The following RIT2 variants were observed in gnomAD, a reference collection of about 807,000 sequenced individuals.
The protein encoded by RIT2 is GTP-binding protein Rit2.
In RIT2, 24 loss-of-function variants were observed where a neutral mutation model predicts 23.7. The observed-to-expected ratio is 1.01, with a 90% CI of 0.73 to 1.43. RIT2 has a LOEUF of 1.43. Ranked by LOEUF, RIT2 falls within the 40% of genes most tolerant of loss-of-function variation. RIT2 has a pLI of 0.00. For synonymous variants in RIT2, 107 were observed against 91.1 expected, an observed-to-expected ratio of 1.17 and a Z score of -0.99; for missense variants, 236 against 266.9, an observed-to-expected ratio of 0.88 and a Z score of 0.81.
In RIT2 at chr18:42,966,908, G is replaced by A. The variant is rs1049560485; in HGVS notation, c.234+7166C>T. Among the ~76,000 whole-genome samples, 6 of 151,960 alleles carry A rather than the reference G, an allele frequency of 3.9e-5. No individual in the cohort carries two copies. In the East Asian group the frequency reaches 1.2e-3, roughly 30 times the overall value. On this transcript the variant is annotated intron_variant, in intron 3 of 4. Transcript: ENST00000326695. ...TGTGCCTCTGCTTCATGATACAACT[G>A]TACCGTAGTTATGGCAAGCAGTATG...
At chr18:43,061,182 T>C (rs1298274447) in intron 1 of RIT2, among the ~76,000 whole-genome samples, 1 of 152,158 alleles carries the variant, frequency 6.6e-6, no homozygotes, top group African/African-American at 2.4e-5. Flanking sequence ...TCAACCATTT[T>C]ATGATGGTTT....
At chr18:42,939,755 G>T (rs1414362057) in intron 3 of RIT2, among the ~76,000 whole-genome samples, 1 of 151,948 alleles carries the variant, frequency 6.6e-6, no homozygotes, top group East Asian at 1.9e-4. Flanking sequence ...ACAAACAGAG[G>T]TCTCCCTTCC....
At chr18:43,031,111 C>G (rs1911844010) in intron 2 of RIT2, among the ~76,000 whole-genome samples, 1 of 151,338 alleles carries the variant, frequency 6.6e-6, no homozygotes, top group African/African-American at 2.4e-5. Flanking sequence ...CCAAAATGCC[C>G]CAGCTTTGTC....
chr18:42,902,847 C>G (rs2144108570), intron 4 of RIT2, among the ~76,000 whole-genome samples: 1 of 151,534 alleles, frequency 6.6e-6, no homozygotes, highest in African/African-American at 2.4e-5. Context: ...AAAAATGTAT[C>G]AGTAATTATA....
At chr18:43,047,639 G>A (rs1912279618) in intron 1 of RIT2, among the ~76,000 whole-genome samples, 1 of 152,004 alleles carries the variant, frequency 6.6e-6, no homozygotes, top group African/African-American at 2.4e-5. Flanking sequence ...ACTAACATAT[G>A]AGGAGTCTAC....
At chr18:42,859,979 T>TA (rs35559948) in intron 4 of RIT2, among the ~76,000 whole-genome samples, 8,146 of 148,930 alleles carry the variant, frequency 0.055, 602 homozygotes, top group East Asian at 0.32. Flanking sequence ...TTCCTTGATT[T>TA]AAAAAAAAAA....
rs182281368 is a variant in RIT2, at chr18:43,005,793, G to A, written c.160+28018C>T. ...TTGCATGGGATCAGCATATGTGTAA[G>A]AGAAAACAGAAACAGAGGTAGACAA... is the stretch of plus-strand genomic sequence containing the variant. On this transcript the variant is annotated intron_variant, in intron 2 of 4. Transcript: ENST00000326695. 2.6e-5 allele frequency among the ~76,000 whole-genome samples: 4 copies of A among 151,876 alleles called. No homozygotes were observed. The East Asian group carries it at 7.8e-4, about 30-fold the overall frequency.
At chr18:42,903,461 A>G (rs1464207477) in intron 4 of RIT2, among the ~76,000 whole-genome samples, 1 of 152,150 alleles carries the variant, frequency 6.6e-6, no homozygotes, top group Non-Finnish European at 1.5e-5. Flanking sequence ...CAGAAATAAA[A>G]TATATATGTA....
At chr18:43,085,531 C>T (rs996482040) in intron 1 of RIT2, among the ~76,000 whole-genome samples, 2 of 152,132 alleles carry the variant, frequency 1.3e-5, no homozygotes, top group African/African-American at 4.8e-5. Context: ...CTCTGGTAAT[C>T]ACCTTTCTAC....
chr18:43,093,280 C>G (rs534509888), intron 1 of RIT2, among the ~76,000 whole-genome samples: 1 of 151,982 alleles, frequency 6.6e-6, no homozygotes, highest in Non-Finnish European at 1.5e-5. Flanking sequence ...AGGAAAAATG[C>G]TCATTTCCCT....
At chr18:42,783,532 C>A (rs949369695) in intron 4 of RIT2, among the ~76,000 whole-genome samples, 1 of 135,780 alleles carries the variant, frequency 7.4e-6, no homozygotes, top group Non-Finnish European at 1.5e-5. Flanking sequence ...CTATTTTAAA[C>A]AAAAATGTTG....
rs1267232802 is a variant in RIT2 at position 43,108,025 on chromosome 18, T to A, written c.103+7392A>T. ...AAAAATACAAAAAAAAAAAAAAAAA[T>A]TAACCGGGCATGGTGGCGGGTGACT... On this transcript the variant is annotated intron_variant, in intron 1 of 4. Coordinates refer to ENST00000326695, the MANE Select transcript of RIT2 (RefSeq NM_002930.4). 9.7e-5 allele frequency among the ~76,000 whole-genome samples: 12 copies of A among 123,342 alleles called. No homozygotes were observed. In the East Asian group the frequency reaches 1.7e-3, roughly 18 times the overall value. The allele number at this position is 123,342 out of a possible 152,430, so 80.9% of individuals were successfully genotyped here.
chr18:43,040,750 G>A (rs957121197), intron 1 of RIT2, among the ~76,000 whole-genome samples: 1 of 151,992 alleles, frequency 6.6e-6, no homozygotes, highest in Non-Finnish European at 1.5e-5. Flanking sequence ...TTCAGCATAA[G>A]GGGGAAAAGG....
intron 4 of RIT2, among the ~76,000 whole-genome samples, chr18:42,837,128 T>TA (rs1452196005): frequency 7.0e-6 from 1 of 141,890 alleles, no homozygotes; most frequent in Non-Finnish European, 1.5e-5. Context: ...TAAAGTGCTA[T>TA]AAAAATTTCT....
chr18:43,083,379 C>T (rs1913204396), intron 1 of RIT2, among the ~76,000 whole-genome samples: 3 of 152,234 alleles, frequency 2.0e-5, no homozygotes, highest in East Asian at 3.9e-4. Context: ...GAAAAAACTA[C>T]TTTAACTTTC....
intron 1 of RIT2, among the ~76,000 whole-genome samples, chr18:43,108,728 C>A (rs1913886375): frequency 6.6e-6 from 1 of 152,212 alleles, no homozygotes; most frequent in African/African-American, 2.4e-5. Context: ...GAGTAGATAC[C>A]AATTTACTCT....
intron 1 of RIT2, among the ~76,000 whole-genome samples, chr18:43,093,212 C>T: frequency 6.7e-6 from 1 of 148,640 alleles, no homozygotes; most frequent in Non-Finnish European, 1.5e-5. Flanking sequence ...GAAAATAGAG[C>T]CCTAAAGTAT....
intron 2 of RIT2, among the ~76,000 whole-genome samples, chr18:42,992,705 G>A (rs962815262): frequency 1.3e-5 from 2 of 152,096 alleles, no homozygotes. Flanking sequence ...AAAGGTGGCT[G>A]GAGCTAAAGG....
At chr18:42,973,928 T>C (rs1910420081) in intron 3 of RIT2, 146 bp downstream of exon 3, 2 of 569,242 alleles carry the variant, frequency 3.5e-6, no homozygotes, top group Non-Finnish European at 6.2e-6. Context: ...TAATTTTGAT[T>C]CTTTTAAAAT....
Sources: gnomAD v4.1 joint callset for allele counts (sites outside exome capture counted in the v4.1 genomes callset) on GRCh38, gnomAD v4.1.1 for gene constraint, MANE v1.5 for transcripts, NCBI Gene and HGNC (gene_info 2026-07-23, HGNC 2026-07-21) for gene names.